TRDN: variants seen among roughly 807,000 people sequenced by gnomAD.
TRDN encodes the protein triadin in skeletal muscle.
TRDN carries 161 observed loss-of-function variants against 149.7 expected under a neutral mutation model. That is an observed-to-expected ratio of 1.08 (90% CI 0.95 to 1.23). The LOEUF is 1.23. Among genes scored for constraint, TRDN ranks in the 50% most tolerant of loss-of-function variants. TRDN has a pLI of 0.00. For missense variants in TRDN, 896 were observed against 823.5 expected (o/e 1.09, Z -1.08); for synonymous variants, 294 against 250.5 (o/e 1.17, Z -1.64).
At chr6:123,301,774 T>TATATATATATAC (rs1778433270) in intron 24 of TRDN, among the ~76,000 whole-genome samples, 8 of 138,654 alleles carry the variant, frequency 5.8e-5, no homozygotes, top group South Asian at 2.2e-4. Context: ...TATATACATA[T>TATATATATATAC]ATATATATAT....
intron 24 of TRDN, among the ~76,000 whole-genome samples, chr6:123,293,758 A>G (rs1778091978): frequency 6.6e-6 from 1 of 151,972 alleles, no homozygotes; most frequent in Non-Finnish European, 1.5e-5. Context: ...ACCTTTAGGA[A>G]CTCCCTAGGG....
chr6:123,283,213 G>A (rs765656324), intron 24 of TRDN, among the ~76,000 whole-genome samples: 3 of 151,926 alleles, frequency 2.0e-5, no homozygotes, highest in South Asian at 4.2e-4. Flanking sequence ...GCTTCTGAAC[G>A]ATCATTGGGT....
At chr6:123,273,089 C>G (rs767813424) in intron 28 of TRDN, 78 bp from the exon 29 acceptor site, 15 of 929,452 alleles carry the variant, frequency 1.6e-5, no homozygotes, top group Non-Finnish European at 2.3e-5. Context: ...GCAAATGTGC[C>G]CATAGAGAAA....
chr6:123,433,983 A>T (rs1774450984), intron 12 of TRDN: 1 of 152,204 alleles, frequency 6.6e-6, no homozygotes, highest in Non-Finnish European at 1.5e-5. Flanking sequence ...GGTGGAAGAG[A>T]GAAAGAATAT....
chr6:123,468,467 CAT>C (rs1320682450), intron 9 of TRDN, among the ~76,000 whole-genome samples: 2 of 152,096 alleles, frequency 1.3e-5, no homozygotes, highest in African/African-American at 4.8e-5. Context: ...AGTTCTTTTC[CAT>C]ACAAGTCAAT....
At chr6:123,472,564 C>T (rs890948639) in intron 9 of TRDN, among the ~76,000 whole-genome samples, 35 of 152,220 alleles carry the variant, frequency 2.3e-4, no homozygotes, top group Admixed American at 4.6e-4. Context: ...GAAGCTCGAA[C>T]TGGGTGGAGC....
At chr6:123,633,788 C>T (rs540289667) in intron 1 of TRDN, among the ~76,000 whole-genome samples, 2 of 152,076 alleles carry the variant, frequency 1.3e-5, no homozygotes, top group South Asian at 2.1e-4. Flanking sequence ...CAGCTTGGAA[C>T]CTGCAGTGGA....
At chr6:123,554,042 C>T (rs1214904653) in intron 2 of TRDN, among the ~76,000 whole-genome samples, 2 of 152,152 alleles carry the variant, frequency 1.3e-5, no homozygotes. Context: ...ATCACTTAGT[C>T]ACCACGCCCT....
chr6:123,328,093 T>C (rs955652527), intron 23 of TRDN, among the ~76,000 whole-genome samples: 2 of 152,240 alleles, frequency 1.3e-5, no homozygotes, highest in Non-Finnish European at 2.9e-5. Context: ...GTTATAATAA[T>C]CTTCAAACAT....
intron 21 of TRDN, chr6:123,351,287 T>G (rs1256405951): frequency 2.1e-6 from 2 of 957,906 alleles, no homozygotes; most frequent in Non-Finnish European, 2.5e-6. Flanking sequence ...TATGTTTTCA[T>G]GTTTGCCCTA....
At chr6:123,515,624 A>G (rs1290668103) in intron 6 of TRDN, among the ~76,000 whole-genome samples, 1 of 151,894 alleles carries the variant, frequency 6.6e-6, no homozygotes, top group Non-Finnish European at 1.5e-5. Flanking sequence ...TAAAATTCAC[A>G]TGAGTGGTCT....
At chr6:123,293,144 CT>C (rs1169337020) in intron 24 of TRDN, among the ~76,000 whole-genome samples, 2 of 152,112 alleles carry the variant, frequency 1.3e-5, no homozygotes, top group African/African-American at 4.8e-5. Flanking sequence ...AGAGGTCTAT[CT>C]TATGGCTTAC....
At chr6:123,447,089 CA>C (rs911133869) in intron 10 of TRDN, among the ~76,000 whole-genome samples, 8 of 152,072 alleles carry the variant, frequency 5.3e-5, no homozygotes, top group African/African-American at 1.9e-4. Context: ...GCTGGCCTTT[CA>C]GGCTCTGAAT....
chr6:123,351,770 T>C, intron 21 of TRDN: 1 of 919,076 alleles, frequency 1.1e-6, no homozygotes, highest in Non-Finnish European at 1.3e-6. Context: ...GATAAAATTA[T>C]TGCAAGTTCT....
chr6:123,366,099 A>T (rs758016053), intron 20 of TRDN, 36 bp downstream of exon 20: 3 of 1,547,774 alleles, frequency 1.9e-6, no homozygotes, highest in Non-Finnish European at 2.7e-6. Flanking sequence ...GAAATAACTT[A>T]TAGTTATGAC....
At chr6:123,362,501 A>C (rs1183546343) in intron 20 of TRDN, among the ~76,000 whole-genome samples, 1 of 152,146 alleles carries the variant, frequency 6.6e-6, no homozygotes, top group African/African-American at 2.4e-5. Flanking sequence ...TCATATACAT[A>C]CTACAAATTT....
At chr6:123,400,305 C>T (rs940096861) in intron 12 of TRDN, among the ~76,000 whole-genome samples, 3 of 151,596 alleles carry the variant, frequency 2.0e-5, no homozygotes, top group African/African-American at 4.8e-5. Context: ...GACAGGGCCT[C>T]TAATTTTGAC....
At chr6:123,475,801 C>CA (rs1223134379) in intron 9 of TRDN, among the ~76,000 whole-genome samples, 4 of 151,148 alleles carry the variant, frequency 2.6e-5, no homozygotes, top group African/African-American at 7.3e-5. Flanking sequence ...GAGCCAAAGA[C>CA]AAAAACCACA....
intron 24 of TRDN, among the ~76,000 whole-genome samples, chr6:123,297,389 G>C (rs17085210): frequency 0.18 from 27,564 of 151,886 alleles, 3,349 homozygotes; most frequent in East Asian, 0.61. Context: ...TTTGCACCAT[G>C]ATCGAGCATG....
Sources: gnomAD v4.1 joint callset for allele counts (sites outside exome capture counted in the v4.1 genomes callset) on GRCh38, gnomAD v4.1.1 for gene constraint, MANE v1.5 for transcripts, NCBI Gene and HGNC (gene_info 2026-07-23, HGNC 2026-07-21) for gene names.